The following ST8SIA2 variants were observed in gnomAD, a reference collection of about 807,000 sequenced individuals.
ST8SIA2 encodes the protein alpha-2,8-sialyltransferase 8B.
In ST8SIA2, 22 loss-of-function variants were observed where a neutral mutation model predicts 37.6. The ratio of observed to expected loss-of-function variants is 0.58; its 90% CI spans 0.42 to 0.83. The LOEUF (loss-of-function observed/expected upper bound fraction) is 0.83, where lower values mean the gene tolerates loss of function less well. Among genes scored for constraint, ST8SIA2 ranks in the 40% least tolerant of loss-of-function variants. The pLI, the probability that ST8SIA2 is intolerant of heterozygous loss-of-function variation, is 0.00. For synonymous variants in ST8SIA2, 205 were observed against 201.2 expected (o/e 1.02, Z -0.16); for missense variants, 382 against 484.7 (o/e 0.79, Z 1.99).
rs560870444 is a variant in ST8SIA2, at chr15:92,408,770, A to G, written c.98+14608A>G. ...GCCCAGGCTGGAGTACAATGGCGTG[A>G]TCTCAGCTCACTGCAACCTCCACCT... On this transcript the variant is annotated intron_variant, in intron 1 of 5. Coordinates refer to ENST00000268164, the MANE Select transcript of ST8SIA2 (RefSeq NM_006011.4). Among the ~76,000 whole-genome samples the G allele has an allele frequency of 6.6e-5, 10 of 151,712 alleles. No individual in the cohort carries two copies. In the South Asian group the frequency reaches 1.5e-3, roughly 22 times the overall value.
chr15:92,440,224 A>G (rs2049791359), intron 4 of ST8SIA2, among the ~76,000 whole-genome samples: 1 of 152,136 alleles, frequency 6.6e-6, no homozygotes, highest in Non-Finnish European at 1.5e-5. Flanking sequence ...ATCATCTGTA[A>G]AACGGGCTGG....
intron 1 of ST8SIA2, 90 bp downstream of exon 1, chr15:92,394,252 C>T (rs943590928): frequency 1.1e-5 from 12 of 1,122,844 alleles, no homozygotes; most frequent in Admixed American, 2.0e-5. Context: ...CCTTTGTGTG[C>T]GCCGCGCCCC....
intron 1 of ST8SIA2, among the ~76,000 whole-genome samples, chr15:92,425,786 G>C (rs2049671047): frequency 6.6e-6 from 1 of 152,172 alleles, no homozygotes; most frequent in South Asian, 2.1e-4. Context: ...ATGGTACCTA[G>C]CCTAGGGTAC....
rs183319478 is a variant in ST8SIA2, at chr15:92,464,597, A to C, written c.*212A>C. The C allele has an allele frequency of 1.5e-5, 9 of 612,472 alleles. No individual in the cohort carries two copies. In the East Asian group the frequency reaches 2.6e-4, roughly 17 times the overall value. The allele number at this position is 612,472 out of a possible 1,614,324, so 37.9% of individuals were successfully genotyped here. On this transcript the variant is annotated 3_prime_UTR_variant, in exon 6 of 6. Coordinates refer to ENST00000268164, the MANE Select transcript of ST8SIA2 (RefSeq NM_006011.4). ...GTGTGGTGTTCATCTAGCATTAGGC[A>C]GATAGGCCACAGGAAGAAGGTGTGG... is the stretch of plus-strand genomic sequence containing the variant.
At position 92,444,817 on chromosome 15, in the gene ST8SIA2, A is replaced by G; in HGVS notation, c.730A>G (p.Met244Val). Reference protein sequence around the residue: ...NGSILWIPAFMARGGKERVEW... With the variant: ...NGSILWIPAFVARGGKERVEW... The stretch of plus-strand genomic sequence containing the variant: ...CAGCATCCTGTGGATCCCTGCCTTC[A>G]TGGCCCGGGGCGGCAAGGAGCGTGT... Residue 244 changes from methionine to valine, a missense_variant, in exon 5 of 6, where the codon ATG becomes GTG. Transcript: ENST00000268164. The G allele has an allele frequency of 6.2e-7, 1 of 1,614,084 alleles. No individual in the cohort carries two copies. The highest frequency in any genetic ancestry group is 8.5e-7 in the Non-Finnish European group (1 of 1,180,038).
intron 1 of ST8SIA2, among the ~76,000 whole-genome samples, chr15:92,428,410 C>T (rs1250134547): frequency 6.6e-6 from 1 of 152,180 alleles, no homozygotes; most frequent in Non-Finnish European, 1.5e-5. Flanking sequence ...ACCAACTATT[C>T]CAAACTATTT....
At chr15:92,459,733 G>A (rs1354652639) in intron 5 of ST8SIA2, among the ~76,000 whole-genome samples, 2 of 152,224 alleles carry the variant, frequency 1.3e-5, no homozygotes, top group Non-Finnish European at 2.9e-5. Flanking sequence ...TGAGTAGCTG[G>A]GATTACAGGT....
intron 1 of ST8SIA2, among the ~76,000 whole-genome samples, chr15:92,426,256 A>C (rs1183526025): frequency 1.3e-5 from 2 of 152,172 alleles, no homozygotes; most frequent in African/African-American, 2.4e-5. Flanking sequence ...AGGAAATGGC[A>C]GCTGAGAATT....
intron 5 of ST8SIA2, among the ~76,000 whole-genome samples, chr15:92,459,491 C>T (rs997270577): frequency 2.6e-5 from 4 of 152,158 alleles, no homozygotes; most frequent in East Asian, 1.9e-4. Context: ...TGGACTCCCG[C>T]GTTTTCCTTT....
chr15:92,438,534 G>C lies in ST8SIA2; in HGVS notation c.472G>C (p.Ala158Pro). The stretch of plus-strand genomic sequence containing the variant: ...GAAGAATAAGCACTTTGGGACTTGT[G>C]CCATCGTGGGCAACTCGGGGGTCTT... ...PLKNKHFGTC[A>P]IVGNSGVLLN... is the part of the protein sequence containing the mutation. The change falls in exon 4 of 6, where the codon GCC (alanine) becomes CCC (proline). Residue 158 changes from alanine (A) to proline (P), a missense_variant. Coordinates refer to ENST00000268164, the MANE Select transcript of ST8SIA2 (RefSeq NM_006011.4). The C allele has an allele frequency of 6.2e-7, 1 of 1,614,144 alleles. No homozygotes were observed. Among genetic ancestry groups the C allele is most frequent in the Non-Finnish European group, 8.5e-7 (1 of 1,180,014 alleles).
intron 1 of ST8SIA2, among the ~76,000 whole-genome samples, chr15:92,396,726 G>A (rs1235980718): frequency 1.3e-5 from 2 of 151,968 alleles, no homozygotes; most frequent in Non-Finnish European, 2.9e-5. Flanking sequence ...TCACCTCAGG[G>A]GATCTGCCCA....
chr15:92,435,959 A>G (rs2049754328), intron 3 of ST8SIA2, among the ~76,000 whole-genome samples: 1 of 152,136 alleles, frequency 6.6e-6, no homozygotes, highest in African/African-American at 2.4e-5. Context: ...TGCAGGCTCC[A>G]AGGGAGAACC....
chr15:92,441,606 C>CAA, intron 4 of ST8SIA2, among the ~76,000 whole-genome samples: 1 of 151,814 alleles, frequency 6.6e-6, no homozygotes, highest in African/African-American at 2.4e-5. Context: ...CACACACACA[C>CAA]ACACACACAC....
At chr15:92,433,754 A>G (rs2049734003) in intron 2 of ST8SIA2, among the ~76,000 whole-genome samples, 1 of 152,224 alleles carries the variant, frequency 6.6e-6, no homozygotes, top group Non-Finnish European at 1.5e-5. Context: ...CAAGGAGCAT[A>G]TCTCAGAATT....
chr15:92,424,748 A>G (rs937617904), intron 1 of ST8SIA2, among the ~76,000 whole-genome samples: 9 of 152,044 alleles, frequency 5.9e-5, no homozygotes, highest in Admixed American at 6.6e-5. Flanking sequence ...AGTAGCTGGG[A>G]CTACAGGCGC....
chr15:92,408,956 G>A (rs1007284535), intron 1 of ST8SIA2, among the ~76,000 whole-genome samples: 4 of 152,036 alleles, frequency 2.6e-5, no homozygotes, highest in African/African-American at 9.7e-5. Flanking sequence ...CGCCCGCCTT[G>A]GCCTCCCAAA....
chr15:92,401,501 A>C (rs1318755464), intron 1 of ST8SIA2, among the ~76,000 whole-genome samples: 2 of 152,194 alleles, frequency 1.3e-5, no homozygotes, highest in African/African-American at 4.8e-5. Context: ...GGCAAGGAGG[A>C]AACGGCTCCA....
rs569519306 is a variant in ST8SIA2, at chr15:92,415,506, G to A, written c.99-14543G>A. ...GCAAGTCACAGATATAAGTGATGAC[G>A]CTCAGTGTAAGACAGTAGGGAGTAG... On this transcript the variant is annotated intron_variant, in intron 1 of 5. Transcript: ENST00000268164. Among the ~76,000 whole-genome samples the A allele has an allele frequency of 1.3e-4, 20 of 151,936 alleles. No individual in the cohort carries two copies. The South Asian group carries it at 3.7e-3, about 28-fold the overall frequency.
chr15:92,462,324 A>C (rs1192440533), intron 5 of ST8SIA2, among the ~76,000 whole-genome samples: 1 of 152,212 alleles, frequency 6.6e-6, no homozygotes, highest in Non-Finnish European at 1.5e-5. Flanking sequence ...GGTTATTGAT[A>C]ATCTATAACC....
Sources: allele counts gnomAD v4.1 joint callset (sites outside exome capture counted in the v4.1 genomes callset), GRCh38; gene constraint gnomAD v4.1.1; transcripts MANE v1.5; gene names NCBI Gene and HGNC (gene_info 2026-07-23, HGNC 2026-07-21).